The following RIN2 variants were observed in gnomAD, a reference collection of about 807,000 sequenced individuals.
RIN2 encodes RAB5 interacting protein 2.
Under a neutral mutation model 78.0 loss-of-function variants are expected in RIN2, and 36 were observed. The ratio of observed to expected loss-of-function variants is 0.46; its 90% CI spans 0.35 to 0.61. The LOEUF (loss-of-function observed/expected upper bound fraction) is 0.61, where lower values mean the gene tolerates loss of function less well. RIN2 is among the 20% of genes least tolerant of loss of function. The pLI, the probability that RIN2 is intolerant of heterozygous loss-of-function variation, is 0.00. For missense variants in RIN2, 1,087 were observed against 1,159.7 expected (o/e 0.94, Z 0.91); for synonymous variants, 466 against 466.8 (o/e 1.00, Z 0.02).
In RIN2 at chr20:19,759,861, T is replaced by TA. The variant is rs200927476; in HGVS notation, c.-163+1543dup. Reference sequence around the variant, plus strand: ...CTGGGTGACAGAGTGAAACTCTGTCTAAAAAAAAAGAACCCTGCTTCATTG... The same window carrying TA: ...CTGGGTGACAGAGTGAAACTCTGTCTAAAAAAAAAAGAACCCTGCTTCATTG... On this transcript the variant is annotated intron_variant, in intron 1 of 12. Transcript: ENST00000255006. Among the ~76,000 whole-genome samples the TA allele has an allele frequency of 1.2e-3, 176 of 150,818 alleles. 1 individual carries two copies. The highest frequency in any genetic ancestry group is 3.4e-3 in the African/African-American group (140 of 41,090).
chr20:19,942,999 G>A (rs528693278), intron 4 of RIN2, among the ~76,000 whole-genome samples: 1 of 152,350 alleles, frequency 6.6e-6, no homozygotes, highest in Admixed American at 6.5e-5. Context: ...AATAACACCA[G>A]TGTAACCCAG....
chr20:19,907,229 A>G (rs1487900558), intron 3 of RIN2, among the ~76,000 whole-genome samples: 1 of 152,238 alleles, frequency 6.6e-6, no homozygotes, highest in African/African-American at 2.4e-5. Flanking sequence ...GCGTTAATCC[A>G]TTCAAGATGG....
intron 2 of RIN2, among the ~76,000 whole-genome samples, chr20:19,825,263 T>C (rs564708019): frequency 6.6e-6 from 1 of 152,344 alleles, no homozygotes; most frequent in East Asian, 1.9e-4. Context: ...GGAAATCTGA[T>C]CTAGGACTAA....
At chr20:19,936,251 C>G (rs2040639054) in intron 4 of RIN2, among the ~76,000 whole-genome samples, 1 of 152,166 alleles carries the variant, frequency 6.6e-6, no homozygotes, top group African/African-American at 2.4e-5. Context: ...AGATGGTCCC[C>G]CTGCTCCTTG....
chr20:19,950,805 G>A (rs1045427288), intron 4 of RIN2, among the ~76,000 whole-genome samples: 1 of 151,816 alleles, frequency 6.6e-6, no homozygotes, highest in Admixed American at 6.6e-5. Flanking sequence ...CACTTCTCGG[G>A]TTCAAACAGT....
chr20:19,810,912 C>G (rs1250477679), intron 2 of RIN2, among the ~76,000 whole-genome samples: 7 of 149,622 alleles, frequency 4.7e-5, no homozygotes, highest in Non-Finnish European at 1.0e-4. Flanking sequence ...AGGGTTTCAC[C>G]GTGTTAGCCA....
intron 1 of RIN2, among the ~76,000 whole-genome samples, chr20:19,760,206 C>T (rs1033849252): frequency 6.6e-6 from 1 of 152,154 alleles, no homozygotes; most frequent in Middle Eastern, 3.2e-3. Flanking sequence ...GGTAGGGTCC[C>T]GGGACAGTGA....
rs759893964 is a variant in RIN2 at position 20,000,753 on chromosome 20, C to G, written c.2505C>G (p.Ser835Arg). 4.3e-6 allele frequency: 7 copies of G among 1,613,982 alleles called. No individual in the cohort carries two copies. Among genetic ancestry groups the G allele is most frequent in the Non-Finnish European group, 5.9e-6 (7 of 1,179,894 alleles). Reference sequence around the variant, plus strand: ...AGGTGGGGGACCCTGAGGAGTACAGCCTCTTTCTCTTCGTTGACGAGACAT... The same window carrying G: ...AGGTGGGGGACCCTGAGGAGTACAGGCTCTTTCTCTTCGTTGACGAGACAT... ...KFKVGDPEEY[S>R]LFLFVDETWQ... is the part of the protein sequence containing the mutation. The change falls in exon 13 of 13, where the codon AGC (serine) becomes AGG (arginine). Residue 835 changes from serine (S) to arginine (R), a missense_variant. By Grantham distance (110) the Ser-to-Arg change is moderately radical. Transcript: ENST00000255006.
intron 8 of RIN2, among the ~76,000 whole-genome samples, chr20:19,973,344 A>G (rs1024733159): frequency 6.6e-6 from 1 of 152,138 alleles, no homozygotes; most frequent in Non-Finnish European, 1.5e-5. Flanking sequence ...GGGATACAGG[A>G]TAGATTACAT....
chr20:19,975,098 C>T lies in RIN2; in HGVS notation c.1073C>T (p.Pro358Leu), dbSNP rs531313491. 6.2e-7 allele frequency: 1 copy of T among 1,613,502 alleles called. No homozygotes were observed. Among genetic ancestry groups the T allele is most frequent in the Non-Finnish European group, 8.5e-7 (1 of 1,179,894 alleles). The part of the protein sequence containing the change: ...LPGTKPTPIP[P>L]PRLKKQASFL... ...GGAACGAAACCAACTCCCATCCCTC[C>T]ACCCCGGCTGAAGAAGCAGGCTTCT... The change falls in exon 9 of 13, where the codon CCA (proline) becomes CTA (leucine). Residue 358 changes from proline (P) to leucine (L), a missense_variant. Coordinates refer to ENST00000255006, the MANE Select transcript of RIN2 (RefSeq NM_018993.4). This position sits in a 1 kb window ranked among gnomAD's most constrained non-coding sequence, Gnocchi z 4.9.
Position 19,921,716 on chromosome 20 carries a change from A to C in RIN2, c.58-13383A>C, listed in dbSNP as rs530836821. On this transcript the variant is annotated intron_variant, in intron 3 of 12. Coordinates refer to ENST00000255006, the MANE Select transcript of RIN2 (RefSeq NM_018993.4). ...AGGCCCAGAGCCGAAGAACTGTGTG[A>C]AAGTGGCTATCAGGAAGTGCTCCCA... Among the ~76,000 whole-genome samples, 5 of 152,286 alleles carry C rather than the reference A, an allele frequency of 3.3e-5. No individual in the cohort carries two copies. The East Asian group carries it at 9.7e-4, about 29-fold the overall frequency.
intron 2 of RIN2, among the ~76,000 whole-genome samples, chr20:19,854,551 T>C (rs2037101422): frequency 6.6e-6 from 1 of 152,218 alleles, no homozygotes; most frequent in Non-Finnish European, 1.5e-5. Context: ...CCTCTTTTGT[T>C]TCGTTGAGCA....
At chr20:19,847,507 A>C (rs1451743435) in intron 2 of RIN2, among the ~76,000 whole-genome samples, 1 of 152,188 alleles carries the variant, frequency 6.6e-6, no homozygotes, top group Non-Finnish European at 1.5e-5. Flanking sequence ...AGGTGCTGCC[A>C]CTTCAGCTTC....
chr20:19,833,048 T>A (rs930845954), intron 2 of RIN2, among the ~76,000 whole-genome samples: 3 of 152,100 alleles, frequency 2.0e-5, no homozygotes, highest in Admixed American at 2.0e-4. Flanking sequence ...GCCCTACATG[T>A]TCCTCCCCAC....
chr20:19,824,063 G>A, intron 2 of RIN2: 1 of 639,288 alleles, frequency 1.6e-6, no homozygotes, highest in East Asian at 2.7e-5. Flanking sequence ...GGCCCCCCAG[G>A]GACTGGTATG....
intron 3 of RIN2, among the ~76,000 whole-genome samples, chr20:19,903,853 C>T (rs2039096120): frequency 6.6e-6 from 1 of 152,166 alleles, no homozygotes; most frequent in Non-Finnish European, 1.5e-5. Flanking sequence ...GTATTTAGCA[C>T]CCAGTGTCCT....
chr20:19,935,054 C>T (rs767174214), intron 3 of RIN2, 45 bp from the exon 4 acceptor site: 42 of 1,460,904 alleles, frequency 2.9e-5, no homozygotes, highest in Middle Eastern at 1.7e-4. Context: ...GGGCATGCCA[C>T]GCCTCTCCAC....
intron 1 of RIN2, among the ~76,000 whole-genome samples, chr20:19,761,322 G>A (rs141983577): frequency 1.2e-4 from 18 of 152,300 alleles, no homozygotes; most frequent in Admixed American, 8.5e-4. Context: ...TCACCGAGTT[G>A]TGTTTTAGGA....
chr20:19,921,331 T>A lies in RIN2; in HGVS notation c.58-13768T>A, dbSNP rs146702864. 9.1e-4 allele frequency among the ~76,000 whole-genome samples: 138 copies of A among 152,218 alleles called. 1 individual carries two copies. The highest frequency in any genetic ancestry group is 2.7e-3 in the South Asian group (13 of 4,812). On this transcript the variant is annotated intron_variant, in intron 3 of 12. Coordinates refer to ENST00000255006, the MANE Select transcript of RIN2 (RefSeq NM_018993.4). The stretch of plus-strand genomic sequence containing the variant: ...TAATTGAAAACTCGAGCAGTCTCTT[T>A]TTAGTGGATGCCACACGTCAGCAAC...
Sources: allele counts gnomAD v4.1 joint callset (sites outside exome capture counted in the v4.1 genomes callset), GRCh38; gene constraint gnomAD v4.1.1; non-coding constraint Gnocchi (gnomAD v3.1); transcripts MANE v1.5; gene names NCBI Gene and HGNC (gene_info 2026-07-23, HGNC 2026-07-21).